Variants in SERHL2 observed in about 807,000 individuals in gnomAD.
SERHL2 encodes the protein serine hydrolase like 2, also known as serine hydrolase-like protein 2.
In SERHL2, 29 loss-of-function variants were observed where a neutral mutation model predicts 25.5. The observed-to-expected ratio is 1.14, with a 90% confidence interval of 0.85 to 1.55. The LOEUF (loss-of-function observed/expected upper bound fraction) is 1.55. Ranked by LOEUF, SERHL2 falls within the 40% of genes most tolerant of loss-of-function variation. The pLI is 0.00. For synonymous variants in SERHL2, 95 were observed against 103.5 expected (o/e 0.92, Z 0.50); for missense variants, 240 against 252.3 (o/e 0.95, Z 0.33).
chr22:42,561,622 C>T (rs143885195), intron 8 of SERHL2, among the ~76,000 whole-genome samples: 76 of 151,766 alleles, frequency 5.0e-4, no homozygotes, highest in African/African-American at 1.8e-3. Flanking sequence ...AATTCAGTCT[C>T]GTGTGGCCAG....
At chr22:42,560,634 CTTTTCACAATGGAGAGGT>C (rs1277875457) in intron 8 of SERHL2, among the ~76,000 whole-genome samples, 2 of 151,980 alleles carry the variant, frequency 1.3e-5, no homozygotes, top group Non-Finnish European at 2.9e-5. Context: ...TTGGGAGAGG[CTTTTCACAATGGAGAGGT>C]GGAGCTGGTA....
rs552020858 is a variant in SERHL2, at chr22:42,564,804, C to A, written c.614-1500C>A. On this transcript the variant is annotated intron_variant, in intron 8 of 11. Coordinates refer to ENST00000327678, the MANE Select transcript of SERHL2 (RefSeq NM_014509.5). ...CAGAGTTTTTCTACTAGTCTTTTTT[C>A]TTTTCCTTTTTGAGACAGGGTCTTG... 7.3e-5 allele frequency among the ~76,000 whole-genome samples: 11 copies of A among 151,688 alleles called. 1 individual carries two copies. The highest frequency in any genetic ancestry group is 7.2e-4 in the Admixed American group (11 of 15,270).
chr22:42,566,341 G>GAGT lies in SERHL2; in HGVS notation c.648+5_648+7dup. The GAGT allele has an allele frequency of 6.2e-7, 1 of 1,611,514 alleles. No homozygotes were observed. The highest frequency in any genetic ancestry group is 8.5e-7 in the Non-Finnish European group (1 of 1,179,028). ...ACAGAGACCAGAGGCTCGCCTGGGTGAGTACCACTGCCTCCGGGTCCCCCG... is the reference window on the plus strand; with the variant it reads ...ACAGAGACCAGAGGCTCGCCTGGGTGAGTAGTACCACTGCCTCCGGGTCCCCCG... On this transcript the variant is annotated splice_donor_region_variant and intron_variant, in intron 9 of 11. Transcript: ENST00000327678.
rs1445587557 is a variant in SERHL2, at chr22:42,574,205, A to G, written c.*150A>G. On this transcript the variant is annotated 3_prime_UTR_variant, in exon 12 of 12. Coordinates refer to ENST00000327678, the MANE Select transcript of SERHL2 (RefSeq NM_014509.5). ...AGGATGGTAGTCAGGGGAAGGAGCGAGATTCCAACTTCAACATCTGTGACC... is the reference window on the plus strand; with the variant it reads ...AGGATGGTAGTCAGGGGAAGGAGCGGGATTCCAACTTCAACATCTGTGACC... 4.0e-5 allele frequency: 27 copies of G among 670,506 alleles called. 2 individuals carry two copies. The highest frequency in any genetic ancestry group is 4.0e-4 in the South Asian group (21 of 52,938). The allele number at this position is 670,506 out of a possible 1,614,324, so 41.5% of individuals were successfully genotyped here.
At chr22:42,566,581 T>C (rs3747189) in intron 9 of SERHL2, among the ~76,000 whole-genome samples, 20,900 of 151,018 alleles carry the variant, frequency 0.14, 2,639 homozygotes, top group East Asian at 0.6. Flanking sequence ...AAAGAAATTA[T>C]ATAGCTAACA....
At chr22:42,559,048 C>T (rs1309024358) in intron 7 of SERHL2, among the ~76,000 whole-genome samples, 2 of 60,272 alleles carry the variant, frequency 3.3e-5, no homozygotes, top group Admixed American at 1.8e-4. Flanking sequence ...ACCACACGCA[C>T]GCGCACACAC....
At chr22:42,560,148 G>A in intron 7 of SERHL2, 38 bp from the exon 8 acceptor site, 3 of 1,508,036 alleles carry the variant, frequency 2.0e-6, no homozygotes, top group Non-Finnish European at 2.8e-6. Flanking sequence ...CCTTTTTATT[G>A]GCCTCCAGGC....
At chr22:42,572,701 A>G (rs897684073) in intron 11 of SERHL2, 172 bp downstream of exon 11, 12 of 984,772 alleles carry the variant, frequency 1.2e-5, no homozygotes, top group African/African-American at 1.7e-5. Flanking sequence ...CTAGAGGCCT[A>G]GGGACACATG....
chr22:42,570,997 A>C, intron 9 of SERHL2, 124 bp from the exon 10 acceptor site: 1 of 1,407,442 alleles, frequency 7.1e-7, no homozygotes, highest in Non-Finnish European at 9.8e-7. Flanking sequence ...TCCTGGGCTC[A>C]GACCCAGGGT....
intron 8 of SERHL2, among the ~76,000 whole-genome samples, chr22:42,562,508 G>GT (rs1922814547): frequency 6.6e-6 from 1 of 151,750 alleles, no homozygotes; most frequent in Non-Finnish European, 1.5e-5. Context: ...CTCTGGGTGG[G>GT]TTACAGAGTG....
intron 9 of SERHL2, among the ~76,000 whole-genome samples, chr22:42,567,877 C>T (rs1169419768): frequency 6.6e-6 from 1 of 151,210 alleles, no homozygotes; most frequent in Non-Finnish European, 1.5e-5. Flanking sequence ...TTACAGGCAC[C>T]CACCACCACA....
At chr22:42,570,582 T>C (rs1046418) in intron 9 of SERHL2, among the ~76,000 whole-genome samples, 4,211 of 130,318 alleles carry the variant, frequency 0.032, 40 homozygotes, top group African/African-American at 0.068. Flanking sequence ...GCCACATCCC[T>C]GCCATCCAGA....
intron 8 of SERHL2, among the ~76,000 whole-genome samples, chr22:42,564,313 T>C (rs573574848): frequency 1.3e-5 from 2 of 151,876 alleles, no homozygotes; most frequent in South Asian, 2.1e-4. Flanking sequence ...ACCCTGTTCA[T>C]GTAAGGGGCT....
At chr22:42,569,432 G>A (rs1347270702) in intron 9 of SERHL2, 1 of 151,736 alleles carries the variant, frequency 6.6e-6, no homozygotes, top group South Asian at 2.1e-4. Context: ...CTAATTTGTT[G>A]TAATTTTAGT....
chr22:42,554,008 C>G lies in SERHL2; in HGVS notation c.-13C>G. ...TGAGGGAGTGACAGCAGCGCATTCG[C>G]GGGACGAGAGCGATGAGTGAGAACG... On this transcript the variant is annotated 5_prime_UTR_variant, in exon 1 of 12. Transcript: ENST00000327678. 1 of 1,613,402 alleles carries G rather than the reference C, an allele frequency of 6.2e-7. No homozygotes were observed. The highest frequency in any genetic ancestry group is 1.1e-5 in the South Asian group (1 of 91,034).
chr22:42,560,266 G>A lies in SERHL2; in HGVS notation c.613+1G>A, dbSNP rs1305237648. ...AGAGGAACCACGAAGGTGGCCACAG[G>A]TAAGGGACTCTACTGTCCAAGGCCA... On this transcript the variant is annotated splice_donor_variant, in intron 8 of 11. Coordinates refer to ENST00000327678, the MANE Select transcript of SERHL2 (RefSeq NM_014509.5). LOFTEE classifies it high-confidence loss of function. The A allele has an allele frequency of 1.2e-5, 20 of 1,604,548 alleles. No individual in the cohort carries two copies. The highest frequency in any genetic ancestry group is 1.5e-5 in the Non-Finnish European group (17 of 1,171,546).
At chr22:42,561,608 T>C (rs753998785) in intron 8 of SERHL2, among the ~76,000 whole-genome samples, 20 of 151,714 alleles carry the variant, frequency 1.3e-4, no homozygotes, top group Non-Finnish European at 2.7e-4. Flanking sequence ...GCTAATCAAG[T>C]GGGAATTCAG....
intron 8 of SERHL2, among the ~76,000 whole-genome samples, chr22:42,563,726 C>G (rs905134972): frequency 6.6e-6 from 1 of 151,640 alleles, no homozygotes; most frequent in African/African-American, 2.4e-5. Context: ...AGGAAGGGCC[C>G]AAGGACCAGA....
chr22:42,566,659 T>C (rs1923434533), intron 9 of SERHL2, among the ~76,000 whole-genome samples: 1 of 151,778 alleles, frequency 6.6e-6, no homozygotes, highest in Admixed American at 6.6e-5. Flanking sequence ...ATACAGTCGA[T>C]GGAGGTGAGG....
Sources: gnomAD v4.1 joint callset for allele counts (sites outside exome capture counted in the v4.1 genomes callset) on GRCh38, gnomAD v4.1.1 for gene constraint, MANE v1.5 for transcripts, NCBI Gene and HGNC (gene_info 2026-07-23, HGNC 2026-07-21) for gene names.